CELSR1: variants seen among roughly 807,000 people sequenced by gnomAD.
CELSR1 encodes the protein cadherin EGF LAG seven-pass G-type receptor 1.
A neutral mutation model predicts 249.1 loss-of-function variants in CELSR1; 110 were observed. That is an observed-to-expected ratio of 0.44 (90% confidence interval 0.38 to 0.52). The LOEUF (loss-of-function observed/expected upper bound fraction) is 0.52. CELSR1 is among the 20% of genes least tolerant of loss of function. The pLI is 0.00. For missense variants in CELSR1, 4,109 were observed against 4,296.4 expected, an observed-to-expected ratio of 0.96 and a Z score of 1.22; for synonymous variants, 2,113 against 1,900.0, an observed-to-expected ratio of 1.11 and a Z score of -2.92.
rs1297460282 is a variant in CELSR1 at position 46,468,215 on chromosome 22, G to A, written c.3545-3870C>T. Among the ~76,000 whole-genome samples the A allele has an allele frequency of 2.6e-5, 4 of 151,950 alleles. No individual in the cohort carries two copies. The highest frequency in any genetic ancestry group is 2.6e-4 in the Admixed American group (4 of 15,220). On this transcript the variant is annotated intron_variant, in intron 1 of 34. Transcript: ENST00000674500. The surrounding 1 kb of genome is among the most constrained non-coding windows in gnomAD (Gnocchi z 4.5). ...AGCCTGGGCGACCTGGTGAAACCAT[G>A]TCTCTACTAAAAATACAAAAATTAG...
In CELSR1 at chr22:46,406,904, G is replaced by A. The variant is rs2079272632; in HGVS notation, c.5226+2092C>T. ...CAAAAGAAGCCCAGAGCCCAACGGA[G>A]CAAAGGCAATAAGGCATGGCTCCGC... On this transcript the variant is annotated intron_variant, in intron 9 of 34. Transcript: ENST00000674500. This position sits in a 1 kb window ranked among gnomAD's most constrained non-coding sequence, Gnocchi z 5.4. 6.6e-6 allele frequency among the ~76,000 whole-genome samples: 1 copy of A among 152,206 alleles called. No individual in the cohort carries two copies. Among genetic ancestry groups the A allele is most frequent in the Non-Finnish European group, 1.5e-5 (1 of 68,040 alleles).
chr22:46,370,050 T>G, intron 25 of CELSR1: 1 of 595,000 alleles, frequency 1.7e-6, no homozygotes, highest in Non-Finnish European at 3.2e-6. Flanking sequence ...AGGGGGCGTA[T>G]CTGGGCCGGG....
In CELSR1 at chr22:46,436,082, G is replaced by T; in HGVS notation, c.4522+92C>A. On this transcript the variant is annotated intron_variant, in intron 4 of 34. Transcript: ENST00000674500. This position sits in a 1 kb window ranked among gnomAD's most constrained non-coding sequence, Gnocchi z 5.9. ...CAAGTGAGGGATGAAAGGGTAAGCA[G>T]CTTGGAGGCGCTGCACAGGGCGAGG... 1 of 922,348 alleles carries T rather than the reference G, an allele frequency of 1.1e-6. No homozygotes were observed. The highest frequency in any genetic ancestry group is 1.7e-6 in the Non-Finnish European group (1 of 583,702). The allele number at this position is 922,348 out of a possible 1,614,324, so 57.1% of individuals were successfully genotyped here.
At chr22:46,456,398 G>A (rs1000734930) in intron 2 of CELSR1, among the ~76,000 whole-genome samples, 1 of 152,140 alleles carries the variant, frequency 6.6e-6, no homozygotes, top group South Asian at 2.1e-4. Flanking sequence ...GGTGGCTCAC[G>A]CCTGTAATCC....
chr22:46,460,027 C>T (rs1330472577), intron 2 of CELSR1, among the ~76,000 whole-genome samples: 8 of 152,042 alleles, frequency 5.3e-5, no homozygotes, highest in Admixed American at 3.3e-4. Flanking sequence ...GCCAATATAG[C>T]GAAACCCAGT....
At chr22:46,463,024 T>C in intron 2 of CELSR1, 1 of 370,168 alleles carries the variant, frequency 2.7e-6, no homozygotes, top group Non-Finnish European at 5.5e-6. Context: ...CAATTAAGCC[T>C]GCAATCTGGA....
chr22:46,461,907 T>A (rs2080033041), intron 2 of CELSR1, among the ~76,000 whole-genome samples: 1 of 152,288 alleles, frequency 6.6e-6, no homozygotes, highest in East Asian at 1.9e-4. Flanking sequence ...AGCTGGCCCT[T>A]CAGAGAGGCA....
intron 1 of CELSR1, among the ~76,000 whole-genome samples, chr22:46,516,040 A>T (rs886698902): frequency 3.3e-5 from 5 of 152,230 alleles, no homozygotes; most frequent in African/African-American, 9.7e-5. Flanking sequence ...ATTGTGGAAG[A>T]CAGTGTGGCG....
chr22:46,370,229 C>T (rs773286462), intron 25 of CELSR1: 16 of 441,060 alleles, frequency 3.6e-5, no homozygotes, highest in African/African-American at 6.0e-5. Flanking sequence ...AGATGGAGGA[C>T]GGCGTCACCT....
Position 46,378,651 on chromosome 22 carries a change from G to A in CELSR1, c.7323C>T (p.Val2441=), listed in dbSNP as rs370573042. Residue 2441 remains valine (V), a synonymous_variant, in exon 23 of 35, where the codon GTC becomes GTT. Coordinates refer to ENST00000674500, the MANE Select transcript of CELSR1 (RefSeq NM_001378328.1). ...TGGCTGTGTGGCTGCACTGGCAGGC[G>A]ACATGTGTCCGGTTCCTGGACAGGA... is the stretch of plus-strand genomic sequence containing the variant. The part of the protein sequence containing the change: ...CELLSRNRTH[V]ACQCSHTASF... 14 of 1,608,286 alleles carry A rather than the reference G, an allele frequency of 8.7e-6. No homozygotes were observed. Among genetic ancestry groups the A allele is most frequent in the East Asian group, 4.5e-5 (2 of 44,686 alleles).
intron 22 of CELSR1, among the ~76,000 whole-genome samples, chr22:46,379,321 AG>A (rs2078952537): frequency 6.6e-6 from 1 of 152,248 alleles, no homozygotes; most frequent in Admixed American, 6.5e-5. Flanking sequence ...AGCTTCAGAC[AG>A]GGCCCTGCCC....
chr22:46,422,592 A>AAAT (rs1569152482), intron 5 of CELSR1, among the ~76,000 whole-genome samples: 5 of 148,962 alleles, frequency 3.4e-5, no homozygotes, highest in African/African-American at 1.2e-4. Context: ...ATAATAATAA[A>AAAT]AAATAAATAA....
intron 1 of CELSR1, among the ~76,000 whole-genome samples, chr22:46,469,368 A>T (rs1356965165): frequency 6.6e-6 from 1 of 152,168 alleles, no homozygotes; most frequent in Non-Finnish European, 1.5e-5. Context: ...TGGCTGGAGC[A>T]CTGCCCTCCT....
At chr22:46,453,836 G>A (rs905190102) in intron 2 of CELSR1, among the ~76,000 whole-genome samples, 1 of 152,090 alleles carries the variant, frequency 6.6e-6, no homozygotes, top group Non-Finnish European at 1.5e-5. Flanking sequence ...TGCTCACTAC[G>A]CATGCCTTCA....
At chr22:46,373,667 AGGGGGAGATGGGGGAGAT>A (rs756002744) in intron 24 of CELSR1, among the ~76,000 whole-genome samples, 2 of 50,918 alleles carry the variant, frequency 3.9e-5, no homozygotes, top group Non-Finnish European at 7.3e-5. Flanking sequence ...ATGGGGGAGA[AGGGGGAGATGGGGGAGAT>A]GGGGGAGAAG....
chr22:46,523,925 T>C lies in CELSR1; in HGVS notation c.3544+9702A>G, dbSNP rs537481477. ...TCTCCAGCCTCAGCCCCTCCCACAG[T>C]CCTGCAGCACGGCTGCCACTGTCGC... is the stretch of plus-strand genomic sequence containing the variant. On this transcript the variant is annotated intron_variant, in intron 1 of 34. Coordinates refer to ENST00000674500, the MANE Select transcript of CELSR1 (RefSeq NM_001378328.1). Among the ~76,000 whole-genome samples, 4 of 152,208 alleles carry C rather than the reference T, an allele frequency of 2.6e-5. No individual in the cohort carries two copies. In the South Asian group the frequency reaches 8.3e-4, roughly 32 times the overall value.
chr22:46,444,877 C>A (rs1472026846), intron 2 of CELSR1, among the ~76,000 whole-genome samples: 1 of 152,212 alleles, frequency 6.6e-6, no homozygotes, highest in Non-Finnish European at 1.5e-5. Flanking sequence ...GCTCTGTCCT[C>A]ACAAGGCCGT....
At chr22:46,495,350 C>A (rs560150915) in intron 1 of CELSR1, among the ~76,000 whole-genome samples, 1 of 152,166 alleles carries the variant, frequency 6.6e-6, no homozygotes, top group South Asian at 2.1e-4. Context: ...AGAAAAGGCA[C>A]AGTGAGAACA....
chr22:46,484,786 C>T lies in CELSR1; in HGVS notation c.3545-20441G>A, dbSNP rs1029415193. ...CTCCAAACACTACCGAAGCCCACCT[C>T]CAGGAACAAGGATATCATCCTTGTT... On this transcript the variant is annotated intron_variant, in intron 1 of 34. Transcript: ENST00000674500. This position sits in a 1 kb window ranked among gnomAD's most constrained non-coding sequence, Gnocchi z 4.5. Among the ~76,000 whole-genome samples the T allele has an allele frequency of 6.8e-6, 1 of 146,114 alleles. No homozygotes were observed. The highest frequency in any genetic ancestry group is 2.5e-5 in the African/African-American group (1 of 39,814).
Sources: gnomAD v4.1 joint callset for allele counts (sites outside exome capture counted in the v4.1 genomes callset) on GRCh38, gnomAD v4.1.1 for gene constraint, Gnocchi (gnomAD v3.1) non-coding constraint, MANE v1.5 for transcripts, NCBI Gene and HGNC (gene_info 2026-07-23, HGNC 2026-07-21) for gene names.